FHIT: variants seen among roughly 807,000 people sequenced by gnomAD.
The protein encoded by FHIT is fragile histidine triad diadenosine triphosphatase, also known as bis(5'-adenosyl)-triphosphatase.
In FHIT, 19 loss-of-function variants were observed where a neutral mutation model predicts 17.9. That is an observed-to-expected ratio of 1.06 (90% CI 0.74 to 1.56). The LOEUF (loss-of-function observed/expected upper bound fraction) is 1.56. Ranked by LOEUF, FHIT falls within the 40% of genes most tolerant of loss-of-function variation. FHIT has a pLI of 0.00. For synonymous variants in FHIT, 81 were observed against 69.7 expected (o/e 1.16, Z -0.81); for missense variants, 248 against 189.2 (o/e 1.31, Z -1.82).
chr3:60,587,152 C>T (rs1007093024), intron 4 of FHIT, among the ~76,000 whole-genome samples: 10 of 152,046 alleles, frequency 6.6e-5, no homozygotes, highest in Admixed American at 6.6e-4. Context: ...TATATATACA[C>T]CACGGAATAC....
chr3:60,252,210 A>C (rs1050992536), intron 5 of FHIT, among the ~76,000 whole-genome samples: 22 of 152,266 alleles, frequency 1.4e-4, no homozygotes, highest in African/African-American at 5.1e-4. Flanking sequence ...GAATCAGACG[A>C]GAGGAAATAA....
At chr3:60,098,165 G>A (rs13087855) in intron 5 of FHIT, among the ~76,000 whole-genome samples, 70,936 of 119,846 alleles carry the variant, frequency 0.59, 21,611 homozygotes, top group East Asian at 0.96. Context: ...GAATAGTGCC[G>A]CAATAAACAT....
intron 5 of FHIT, among the ~76,000 whole-genome samples, chr3:60,406,867 A>G (rs945108222): frequency 6.6e-6 from 1 of 152,076 alleles, no homozygotes; most frequent in Non-Finnish European, 1.5e-5. Flanking sequence ...ATTTCTCCCT[A>G]AATTCTGAAT....
At chr3:60,161,169 G>A (rs1313625317) in intron 5 of FHIT, among the ~76,000 whole-genome samples, 1 of 152,086 alleles carries the variant, frequency 6.6e-6, no homozygotes, top group Non-Finnish European at 1.5e-5. Context: ...ATTTTTATCT[G>A]CCCATCATGT....
At chr3:60,353,837 T>C (rs1699527400) in intron 5 of FHIT, among the ~76,000 whole-genome samples, 1 of 152,062 alleles carries the variant, frequency 6.6e-6, no homozygotes, top group South Asian at 2.1e-4. Context: ...TTTTTAAAAA[T>C]TTATAAGAAG....
chr3:60,398,868 A>C lies in FHIT; in HGVS notation c.103+137992T>G, dbSNP rs920145652. Among the ~76,000 whole-genome samples the C allele has an allele frequency of 2.6e-4, 24 of 93,888 alleles. 1 individual carries two copies. The Admixed American group carries it at 2.7e-3, about 11-fold the overall frequency. The allele number at this position is 93,888 out of a possible 152,430, so 61.6% of individuals were successfully genotyped here. A position where few individuals can be genotyped will look rare whatever the true frequency, so the allele number is the denominator to read the frequency against. The stretch of plus-strand genomic sequence containing the variant: ...ACTGACAAACTCTGGATGTGTTACA[A>C]GAAAATGTTTTAAAAATAATAAAAA... On this transcript the variant is annotated intron_variant, in intron 5 of 9. Transcript: ENST00000492590.
At chr3:59,860,386 T>C (rs1702355007) in intron 8 of FHIT, among the ~76,000 whole-genome samples, 5 of 152,082 alleles carry the variant, frequency 3.3e-5, no homozygotes, top group Admixed American at 2.6e-4. Context: ...TTGCTAGATA[T>C]TGAGAGAGAG....
At chr3:60,012,293 G>T (rs1236614094) in intron 6 of FHIT, among the ~76,000 whole-genome samples, 4 of 127,280 alleles carry the variant, frequency 3.1e-5, no homozygotes, top group Admixed American at 2.6e-4. Context: ...TTTTGAGAAA[G>T]GGTCTTACTC....
chr3:61,219,122 C>T (rs1025499281), intron 1 of FHIT, among the ~76,000 whole-genome samples: 7 of 151,954 alleles, frequency 4.6e-5, no homozygotes, highest in African/African-American at 7.3e-5. Flanking sequence ...AATTATAACA[C>T]GATGATAAGT....
chr3:61,072,860 G>C (rs1326060745), intron 2 of FHIT, among the ~76,000 whole-genome samples: 2 of 152,042 alleles, frequency 1.3e-5, no homozygotes. Flanking sequence ...TACATATTTA[G>C]TATACACAGT....
intron 5 of FHIT, among the ~76,000 whole-genome samples, chr3:60,132,587 G>A (rs555973537): frequency 8.5e-5 from 13 of 152,136 alleles, no homozygotes; most frequent in Non-Finnish European, 1.9e-4. Flanking sequence ...TTAGAATTGT[G>A]CCTATGCCCA....
intron 3 of FHIT, among the ~76,000 whole-genome samples, chr3:60,888,707 G>C (rs1027293434): frequency 4.6e-5 from 7 of 152,252 alleles, no homozygotes; most frequent in Admixed American, 4.6e-4. Context: ...CATTCAATAG[G>C]CATAATGTCC....
chr3:59,906,260 C>T (rs1337089387), intron 8 of FHIT, among the ~76,000 whole-genome samples: 2 of 152,184 alleles, frequency 1.3e-5, no homozygotes, highest in African/African-American at 4.8e-5. Context: ...GTTTATAAAA[C>T]TTCTTGCATA....
At chr3:60,839,367 A>G (rs1179679709) in intron 3 of FHIT, among the ~76,000 whole-genome samples, 5 of 151,752 alleles carry the variant, frequency 3.3e-5, no homozygotes, top group Non-Finnish European at 5.9e-5. Context: ...TTTTACACAC[A>G]CTCCATCCTG....
intron 2 of FHIT, among the ~76,000 whole-genome samples, chr3:61,091,556 G>A (rs749412687): frequency 6.6e-6 from 1 of 152,058 alleles, no homozygotes; most frequent in Non-Finnish European, 1.5e-5. Context: ...GTCAAGCAAC[G>A]CAGATCATCC....
At chr3:60,792,134 T>C (rs1282271452) in intron 4 of FHIT, among the ~76,000 whole-genome samples, 2 of 152,186 alleles carry the variant, frequency 1.3e-5, no homozygotes, top group South Asian at 2.1e-4. Context: ...CCAATGAGGA[T>C]GGCTTCCTGC....
chr3:59,985,251 T>A (rs1351938932), intron 7 of FHIT, among the ~76,000 whole-genome samples: 1 of 152,020 alleles, frequency 6.6e-6, no homozygotes, highest in Non-Finnish European at 1.5e-5. Context: ...GCCCAAATGA[T>A]CTCCATTACA....
At chr3:60,279,309 A>G (rs964171963) in intron 5 of FHIT, among the ~76,000 whole-genome samples, 8 of 152,198 alleles carry the variant, frequency 5.3e-5, no homozygotes, top group African/African-American at 1.9e-4. Flanking sequence ...CAATTCCTTA[A>G]AAGAAACAAA....
chr3:61,022,465 GAA>G (rs969015155), intron 3 of FHIT, among the ~76,000 whole-genome samples: 3 of 152,022 alleles, frequency 2.0e-5, no homozygotes, highest in African/African-American at 7.3e-5. Flanking sequence ...ACAATAAATA[GAA>G]AAAGAGGGAC....
Sources: gnomAD v4.1 joint callset for allele counts (sites outside exome capture counted in the v4.1 genomes callset) on GRCh38, gnomAD v4.1.1 for gene constraint, MANE v1.5 for transcripts, NCBI Gene and HGNC (gene_info 2026-07-23, HGNC 2026-07-21) for gene names.